Variants in HSPG2 observed in about 807,000 individuals in gnomAD.
HSPG2 encodes heparan sulfate proteoglycan 2.
Under a neutral mutation model 526.6 loss-of-function variants are expected in HSPG2, and 278 were observed. That is an observed-to-expected ratio of 0.53 (90% CI 0.48 to 0.58). The LOEUF is 0.58. Ranked by LOEUF, HSPG2 falls within the 20% of genes least tolerant of loss-of-function variation. The probability of loss-of-function intolerance (pLI) is 0.00; values close to 1 mark genes in which losing one functional copy is unlikely to be tolerated. For missense variants in HSPG2, 5,354 were observed against 6,099.5 expected, an observed-to-expected ratio of 0.88 and a Z score of 4.07; for synonymous variants, 2,465 against 2,555.4, an observed-to-expected ratio of 0.96 and a Z score of 1.07.
intron 1 of HSPG2, among the ~76,000 whole-genome samples, chr1:21,919,727 G>A (rs1288300786): frequency 6.6e-6 from 1 of 152,072 alleles, no homozygotes; most frequent in African/African-American, 2.4e-5. Flanking sequence ...GGTCCAAGGG[G>A]GCCTGAAACT....
chr1:21,831,085 G>A lies in HSPG2; in HGVS notation c.11568C>T (p.Gly3856=), dbSNP rs200221194. The A allele has an allele frequency of 2.4e-4, 378 of 1,603,210 alleles. No homozygotes were observed. The highest frequency in any genetic ancestry group is 3.0e-4 in the Non-Finnish European group (353 of 1,174,874). ...PTCRDRPCQN[G]GQCHDSESSS... Reference sequence around the variant, plus strand: ...TGCTCTCAGAGTCATGGCACTGACCGCCATTCTGCAAAGCAGCCCCCAGAA... The same window carrying A: ...TGCTCTCAGAGTCATGGCACTGACCACCATTCTGCAAAGCAGCCCCCAGAA... Residue 3856 remains glycine, a synonymous_variant, in exon 85 of 97, where the codon GGC becomes GGT. Coordinates refer to ENST00000374695, the MANE Select transcript of HSPG2 (RefSeq NM_005529.7).
chr1:21,890,207 G>T lies in HSPG2; in HGVS notation c.414-66C>A. Reference sequence around the variant, plus strand: ...ACCTGTGTTCTCAGCTCCTCCATGAGGCTCCCGCCCCGACGCTCAGGCCCT... The same window carrying T: ...ACCTGTGTTCTCAGCTCCTCCATGATGCTCCCGCCCCGACGCTCAGGCCCT... On this transcript the variant is annotated intron_variant, in intron 5 of 96. Transcript: ENST00000374695. This position sits in a 1 kb window ranked among gnomAD's most constrained non-coding sequence, Gnocchi z 4.1. The T allele has an allele frequency of 6.3e-7, 1 of 1,588,386 alleles. No homozygotes were observed. Among genetic ancestry groups the T allele is most frequent in the Non-Finnish European group, 8.6e-7 (1 of 1,158,642 alleles).
chr1:21,877,803 T>C (rs961011469), intron 21 of HSPG2, among the ~76,000 whole-genome samples: 2 of 152,166 alleles, frequency 1.3e-5, no homozygotes, highest in Admixed American at 1.3e-4. Context: ...CGGCCGATGC[T>C]CCCATTCCTA....
rs1049233829 is a variant in HSPG2, at chr1:21,875,729, C to T, written c.3202G>A (p.Asp1068Asn). 1.2e-5 allele frequency: 20 copies of T among 1,604,870 alleles called. No homozygotes were observed. The highest frequency in any genetic ancestry group is 2.7e-5 in the African/African-American group (2 of 74,930). ...PFREQAWQRP[D>N]GQPATREHLL... ...TGCTCCCGTGTGGCTGGCTGCCCAT[C>T]GGGCCGCTGCCATGCTTGCTGCCAA... The change falls in exon 25 of 97, where the codon GAT (aspartate) becomes AAT (asparagine). Residue 1068 changes from aspartate to asparagine, a missense_variant. By Grantham distance (23) the Asp-to-Asn change is conservative. Transcript: ENST00000374695.
At chr1:21,932,375 G>A (rs1045327305) in intron 1 of HSPG2, among the ~76,000 whole-genome samples, 6 of 152,296 alleles carry the variant, frequency 3.9e-5, no homozygotes, top group Admixed American at 2.0e-4. Context: ...GGCAAGTTAC[G>A]TAACCTCTCA....
intron 1 of HSPG2, among the ~76,000 whole-genome samples, chr1:21,896,761 G>A (rs1642778592): frequency 6.6e-6 from 1 of 152,106 alleles, no homozygotes; most frequent in African/African-American, 2.4e-5. Context: ...AGTCAAGGGC[G>A]AGCTGCTCAA....
In HSPG2 at chr1:21,872,969, C is replaced by T. The variant is rs1640773779; in HGVS notation, c.3888+28G>A. On this transcript the variant is annotated intron_variant, in intron 31 of 96. Coordinates refer to ENST00000374695, the MANE Select transcript of HSPG2 (RefSeq NM_005529.7). The surrounding 1 kb of genome is among the most constrained non-coding windows in gnomAD (Gnocchi z 5.5). ...GGTCTGGGCAGCGGGGCAGAGCAGGCCCCGCAGGGACAGGGATTCGGACTG... is the reference window on the plus strand; with the variant it reads ...GGTCTGGGCAGCGGGGCAGAGCAGGTCCCGCAGGGACAGGGATTCGGACTG... 6.2e-7 allele frequency: 1 copy of T among 1,601,498 alleles called. No homozygotes were observed. The highest frequency in any genetic ancestry group is 1.1e-5 in the South Asian group (1 of 90,852).
At chr1:21,925,440 C>A (rs912525138) in intron 1 of HSPG2, among the ~76,000 whole-genome samples, 3 of 152,194 alleles carry the variant, frequency 2.0e-5, no homozygotes, top group African/African-American at 7.2e-5. Flanking sequence ...TGGCTCAGAG[C>A]AGGCCCCGCT....
rs190295714 is a variant in HSPG2, at chr1:21,830,452, C to G, written c.11672-361G>C. 8 of 330,884 alleles carry G rather than the reference C, an allele frequency of 2.4e-5. No homozygotes were observed. In the East Asian group the frequency reaches 5.8e-4, roughly 24 times the overall value. 20.5% of individuals were successfully genotyped at this position (330,884 alleles called of 1,614,324 possible). The stretch of plus-strand genomic sequence containing the variant: ...CTGTAATCCCAGCACTTTGGGAGGC[C>G]GAGGTGGGTGGATCACCTGAGGTCA... On this transcript the variant is annotated intron_variant, in intron 85 of 96. Transcript: ENST00000374695.
Position 21,865,491 on chromosome 1 carries a change from C to T in HSPG2, c.4315-126G>A, listed in dbSNP as rs373148986. 6.9e-5 allele frequency: 68 copies of T among 980,170 alleles called. No individual in the cohort carries two copies. In the African/African-American group the frequency reaches 8.0e-4, roughly 12 times the overall value. 60.7% of individuals were successfully genotyped at this position (980,170 alleles called of 1,614,324 possible). A position where few individuals can be genotyped will look rare whatever the true frequency, so the allele number is the denominator to read the frequency against. ...ACCTCTCTGCTCTCCCAAGCTCATG[C>T]GCCCAAAGGAGTCAGGCACATGCCC... On this transcript the variant is annotated intron_variant, in intron 34 of 96. Coordinates refer to ENST00000374695, the MANE Select transcript of HSPG2 (RefSeq NM_005529.7). This position sits in a 1 kb window ranked among gnomAD's most constrained non-coding sequence, Gnocchi z 5.4.
chr1:21,891,272 T>C (rs1642339234), intron 3 of HSPG2, among the ~76,000 whole-genome samples: 1 of 152,264 alleles, frequency 6.6e-6, no homozygotes, highest in Non-Finnish European at 1.5e-5. Flanking sequence ...AGGTCAGCCA[T>C]GCCTCAGGCA....
intron 37 of HSPG2, among the ~76,000 whole-genome samples, chr1:21,862,898 A>G (rs1273224587): frequency 6.6e-6 from 1 of 151,572 alleles, no homozygotes; most frequent in Admixed American, 6.6e-5. Flanking sequence ...CATCTCTACT[A>G]AAAATACAAA....
At chr1:21,903,931 C>A (rs1050954246) in intron 1 of HSPG2, among the ~76,000 whole-genome samples, 2 of 152,218 alleles carry the variant, frequency 1.3e-5, no homozygotes, top group Admixed American at 1.3e-4. Context: ...TCCGGGCCAC[C>A]CTGGCCATAT....
chr1:21,880,312 C>T, intron 16 of HSPG2, 51 bp downstream of exon 16: 3 of 1,613,978 alleles, frequency 1.9e-6, no homozygotes, highest in Non-Finnish European at 2.5e-6. Context: ...GCCGTTTCTC[C>T]TCTATCCTTG....
intron 1 of HSPG2, among the ~76,000 whole-genome samples, chr1:21,920,693 C>T (rs1022730403): frequency 6.6e-6 from 1 of 152,170 alleles, no homozygotes; most frequent in African/African-American, 2.4e-5. Context: ...CCCTGCTCTC[C>T]GGGGCTCTCA....
In HSPG2 at chr1:21,827,904, A is replaced by G. The variant is rs2097983672; in HGVS notation, c.12548T>C (p.Ile4183Thr). ...PRCQQGSGHG[I>T]AESDWHLEGS... ...TTCAAGATGCCAGTCGGACTCTGCT[A>G]TGCCATGTCCAGAGCCTATGGAGAA... The change falls in exon 91 of 97, where the codon ATA becomes ACA. Residue 4183 changes from isoleucine (I) to threonine (T), a missense_variant. Physicochemically the swap from Ile to Thr is moderately conservative, Grantham distance 89. Coordinates refer to ENST00000374695, the MANE Select transcript of HSPG2 (RefSeq NM_005529.7). The G allele has an allele frequency of 3.1e-6, 5 of 1,599,802 alleles. No individual in the cohort carries two copies. The South Asian group carries it at 5.7e-5, about 18-fold the overall frequency.
Position 21,822,538 on chromosome 1 carries a change from A to T in HSPG2, c.*778T>A. On this transcript the variant is annotated 3_prime_UTR_variant, in exon 97 of 97. Coordinates refer to ENST00000374695, the MANE Select transcript of HSPG2 (RefSeq NM_005529.7). ...GGAGTCCCTGGGCCTTCACTTCCAG[A>T]TGGGTGGGGATGTGGCCTGGGGTGG... 4 of 255,960 alleles carry T rather than the reference A, an allele frequency of 1.6e-5. No homozygotes were observed. The highest frequency in any genetic ancestry group is 2.3e-5 in the Non-Finnish European group (3 of 129,450). The allele number at this position is 255,960 out of a possible 1,614,324, so 15.9% of individuals were successfully genotyped here. A position where few individuals can be genotyped will look rare whatever the true frequency, so the allele number is the denominator to read the frequency against.
chr1:21,901,981 G>A (rs1016631018), intron 1 of HSPG2, among the ~76,000 whole-genome samples: 1 of 152,098 alleles, frequency 6.6e-6, no homozygotes, highest in African/African-American at 2.4e-5. Context: ...CAGGCTCCTA[G>A]GTAACCCCAA....
rs186657949 is a variant in HSPG2, at chr1:21,846,175, A to C, written c.8397T>G (p.Ser2799=). The change falls in exon 64 of 97, where the codon TCT becomes TCG. Residue 2799 remains serine (S), a synonymous_variant. Transcript: ENST00000374695. ...GEYVCRVMGS[S]GPLEASVLVT... ...CCAGGACTGAGGCCTCCAGGGGGCC[A>C]GAGCTGCCCATCACCCGGCACACGT... is the stretch of plus-strand genomic sequence containing the variant. 122 of 1,613,132 alleles carry C rather than the reference A, an allele frequency of 7.6e-5. No homozygotes were observed. The East Asian group carries it at 2.7e-3, about 36-fold the overall frequency.
Sources: allele counts gnomAD v4.1 joint callset (sites outside exome capture counted in the v4.1 genomes callset), GRCh38; gene constraint gnomAD v4.1.1; non-coding constraint Gnocchi (gnomAD v3.1); transcripts MANE v1.5; gene names NCBI Gene and HGNC (gene_info 2026-07-23, HGNC 2026-07-21).